DENND2B: variants seen among roughly 807,000 people sequenced by gnomAD.
DENND2B encodes DENN domain-containing protein 2B.
A neutral mutation model predicts 116.0 loss-of-function variants in DENND2B; 32 were observed. The observed-to-expected ratio is 0.28, with a 90% CI of 0.21 to 0.37. DENND2B has a LOEUF of 0.37. DENND2B is among the 10% of genes least tolerant of loss of function. The probability of loss-of-function intolerance (pLI) is 1.00; values close to 1 mark genes in which losing one functional copy is unlikely to be tolerated. For missense variants in DENND2B, 1,276 were observed against 1,477.7 expected, an observed-to-expected ratio of 0.86 and a Z score of 2.24; for synonymous variants, 588 against 583.9, an observed-to-expected ratio of 1.01 and a Z score of -0.10.
intron 11 of DENND2B, among the ~76,000 whole-genome samples, chr11:8,709,785 T>C (rs2043271584): frequency 6.6e-6 from 1 of 152,236 alleles, no homozygotes. Flanking sequence ...GTGATCATTT[T>C]CTTTTAAAAG....
At chr11:8,708,383 C>T (rs900160062) in intron 11 of DENND2B, 3 of 964,266 alleles carry the variant, frequency 3.1e-6, no homozygotes, top group Non-Finnish European at 3.7e-6. Flanking sequence ...GTTTATGGAA[C>T]ATTTGCTATA....
upstream of DENND2B, among the ~76,000 whole-genome samples, chr11:8,812,222 G>A (rs1225806277): frequency 2.0e-5 from 3 of 152,218 alleles, no homozygotes; most frequent in African/African-American, 7.2e-5. Flanking sequence ...AACTGGTTAT[G>A]AGATAACGCT....
At chr11:8,811,936 A>C (rs1284197372), upstream of DENND2B, among the ~76,000 whole-genome samples, 1 of 152,024 alleles carries the variant, frequency 6.6e-6, no homozygotes, top group Non-Finnish European at 1.5e-5. Flanking sequence ...ACAGGGTCTC[A>C]CTATGTTGCC....
intron 2 of DENND2B, among the ~76,000 whole-genome samples, chr11:8,736,776 AGAT>A (rs1490386666): frequency 1.3e-5 from 2 of 152,166 alleles, no homozygotes; most frequent in African/African-American, 4.8e-5. Flanking sequence ...TGTGGGCTGG[AGAT>A]GAGCCTGAGA....
At chr11:8,818,989 T>C (rs998673986) in intron 4 of DENND2B, among the ~76,000 whole-genome samples, 4 of 152,230 alleles carry the variant, frequency 2.6e-5, no homozygotes, top group Non-Finnish European at 4.4e-5. Flanking sequence ...ACTTAATGTA[T>C]AGAAGAACAA....
chr11:8,803,020 A>G (rs2060491049), intron 1 of DENND2B, among the ~76,000 whole-genome samples: 1 of 152,256 alleles, frequency 6.6e-6, no homozygotes, highest in Admixed American at 6.5e-5. Flanking sequence ...AATAAAAAGT[A>G]TAAAATATTA....
chr11:8,910,265 C>A (rs537545626), intron 1 of DENND2B, among the ~76,000 whole-genome samples: 1 of 151,768 alleles, frequency 6.6e-6, no homozygotes, highest in South Asian at 2.1e-4. Context: ...CAATCCCGAG[C>A]TGTTCCCTTC....
At chr11:8,805,506 C>T (rs1187788208) in intron 1 of DENND2B, among the ~76,000 whole-genome samples, 3 of 152,150 alleles carry the variant, frequency 2.0e-5, no homozygotes. Context: ...CCACATACAC[C>T]ATCCTTTGAC....
chr11:8,798,150 A>G (rs923880739), intron 1 of DENND2B, among the ~76,000 whole-genome samples: 4 of 152,136 alleles, frequency 2.6e-5, no homozygotes, highest in Non-Finnish European at 4.4e-5. Flanking sequence ...TTACTTGTTT[A>G]CTGAAATGCT....
chr11:8,883,829 C>T (rs993779401), intron 1 of DENND2B, among the ~76,000 whole-genome samples: 1 of 152,198 alleles, frequency 6.6e-6, no homozygotes. Flanking sequence ...TAGATACCAT[C>T]GTCTTCAAAA....
At chr11:8,883,401 G>C (rs2063923259) in intron 1 of DENND2B, among the ~76,000 whole-genome samples, 1 of 152,210 alleles carries the variant, frequency 6.6e-6, no homozygotes, top group African/African-American at 2.4e-5. Context: ...GCTGAATGAA[G>C]AATGTTCATT....
At chr11:8,761,636 G>C (rs541513777) in intron 1 of DENND2B, among the ~76,000 whole-genome samples, 37 of 152,228 alleles carry the variant, frequency 2.4e-4, no homozygotes, top group African/African-American at 8.7e-4. Context: ...TCCAGTTCAA[G>C]TGTCAACTTC....
chr11:8,710,450 TA>T (rs1236456022), intron 11 of DENND2B, among the ~76,000 whole-genome samples: 1 of 152,054 alleles, frequency 6.6e-6, no homozygotes, highest in Non-Finnish European at 1.5e-5. Context: ...GTCCCTCACC[TA>T]ATCTGATGCA....
chr11:8,879,219 T>C (rs571616434), intron 2 of DENND2B, among the ~76,000 whole-genome samples: 3 of 152,280 alleles, frequency 2.0e-5, no homozygotes, highest in African/African-American at 4.8e-5. Flanking sequence ...GGCCAAAGCA[T>C]TGAAGAAGGG....
chr11:8,891,828 T>A (rs2064037118), intron 1 of DENND2B, among the ~76,000 whole-genome samples: 3 of 152,232 alleles, frequency 2.0e-5, no homozygotes, highest in African/African-American at 4.8e-5. Flanking sequence ...ATTAGACAGA[T>A]CAACGGGACA....
intron 3 of DENND2B, among the ~76,000 whole-genome samples, chr11:8,853,823 A>G (rs935253562): frequency 6.6e-6 from 1 of 151,828 alleles, no homozygotes; most frequent in African/African-American, 2.4e-5. Context: ...ATTTTTTTAG[A>G]ATGTACTGCA....
intron 1 of DENND2B, among the ~76,000 whole-genome samples, chr11:8,881,481 T>A (rs2063903049): frequency 6.6e-6 from 1 of 152,212 alleles, no homozygotes; most frequent in Admixed American, 6.5e-5. Context: ...GATTCTTCTA[T>A]CAATTTTTAA....
chr11:8,847,070 A>G (rs2062841292), intron 3 of DENND2B, among the ~76,000 whole-genome samples: 2 of 152,246 alleles, frequency 1.3e-5, no homozygotes. Flanking sequence ...TGGGTCTTTC[A>G]TAGTCTTTGG....
At chr11:8,726,257 C>A in intron 3 of DENND2B, 48 bp from the exon 4 acceptor site, 2 of 1,561,852 alleles carry the variant, frequency 1.3e-6, no homozygotes, top group South Asian at 1.2e-5. Flanking sequence ...CAGATCTCTG[C>A]TGCCTTGCTG....
Sources: gnomAD v4.1 joint callset for allele counts (sites outside exome capture counted in the v4.1 genomes callset) on GRCh38, gnomAD v4.1.1 for gene constraint, MANE v1.5 for transcripts, NCBI Gene and HGNC (gene_info 2026-07-23, HGNC 2026-07-21) for gene names.